Variants in VILL observed in about 807,000 individuals in gnomAD.
VILL encodes villin-like protein.
A neutral mutation model predicts 106.3 loss-of-function variants in VILL; 102 were observed. The observed-to-expected ratio is 0.96, with a 90% CI of 0.82 to 1.13. VILL has a LOEUF of 1.13. Among genes scored for constraint, VILL ranks in the 50% most tolerant of loss-of-function variants. The pLI is 0.00. For missense variants in VILL, 1,076 were observed against 1,116.6 expected, an observed-to-expected ratio of 0.96 and a Z score of 0.52; for synonymous variants, 431 against 440.3, an observed-to-expected ratio of 0.98 and a Z score of 0.27.
chr3:37,993,648 G>A lies in VILL; in HGVS notation c.-25G>A, dbSNP rs1335893571. The A allele has an allele frequency of 5.6e-6, 9 of 1,612,052 alleles. No individual in the cohort carries two copies. The highest frequency in any genetic ancestry group is 2.7e-5 in the African/African-American group (2 of 74,948). ...AACTCTGGCTGTTGTTCCTTGTGTC[G>A]TCCCATATTCCTGCCTGGCCTGCGA... On this transcript the variant is annotated 5_prime_UTR_variant, in exon 2 of 20. Transcript: ENST00000383759.
Position 38,005,802 on chromosome 3 carries a change from G to A in VILL, c.1961G>A (p.Trp654Ter). ...LLDTWQEIFLWLGEAASEWKE... is the reference protein window; with the variant it reads ...LLDTWQEIFL ...CCCTCTGTGGCTCAGATCTTCCTGT[G>A]GCTTGGGGAAGCTGCAAGTGAGTGG... is the stretch of plus-strand genomic sequence containing the variant. The change falls in exon 17 of 20, where the codon TGG becomes TAG. Residue 654 changes from tryptophan to a stop codon, truncating the protein, a stop_gained. Coordinates refer to ENST00000383759, the MANE Select transcript of VILL (RefSeq NM_015873.4). LOFTEE classifies it high-confidence loss of function. 6.2e-7 allele frequency: 1 copy of A among 1,610,784 alleles called. No individual in the cohort carries two copies. Among genetic ancestry groups the A allele is most frequent in the South Asian group, 1.1e-5 (1 of 90,600 alleles).
chr3:37,991,653 G>T (rs1306358369), intron 1 of VILL, among the ~76,000 whole-genome samples: 32 of 152,138 alleles, frequency 2.1e-4, no homozygotes, highest in Admixed American at 2.1e-3. Context: ...CCTGAGTGGA[G>T]GAAGTGCACC....
intron 5 of VILL, among the ~76,000 whole-genome samples, chr3:37,996,171 CAGAG>C (rs1157357645): frequency 6.6e-6 from 1 of 152,160 alleles, no homozygotes; most frequent in African/African-American, 2.4e-5. Flanking sequence ...GCTTGGGTGA[CAGAG>C]AAAGACCCTG....
In VILL at chr3:37,990,974, G is replaced by C. The variant is rs1456653255; in HGVS notation, c.-87+145G>C. On this transcript the variant is annotated intron_variant, in intron 1 of 19. Transcript: ENST00000383759. This position sits in a 1 kb window ranked among gnomAD's most constrained non-coding sequence, Gnocchi z 5.1. ...GCGGCAGAATTGGGAGGCGGCAGCAGCCCAGCAGGTGAAAACACTGATGGG... is the reference window on the plus strand; with the variant it reads ...GCGGCAGAATTGGGAGGCGGCAGCACCCCAGCAGGTGAAAACACTGATGGG... 2 of 152,458 alleles carry C rather than the reference G, an allele frequency of 1.3e-5. 1 individual carries two copies. The highest frequency in any genetic ancestry group is 4.8e-5 in the African/African-American group (2 of 41,448). The allele number at this position is 152,458 out of a possible 1,614,324, so 9.4% of individuals were successfully genotyped here.
chr3:38,004,036 C>A (rs905058388), intron 15 of VILL: 1 of 504,920 alleles, frequency 2.0e-6, no homozygotes, highest in Non-Finnish European at 3.4e-6. Context: ...GGGCACCTTG[C>A]GTCACAGCTG....
chr3:37,999,498 A>G, intron 11 of VILL, 59 bp downstream of exon 11: 4 of 1,341,440 alleles, frequency 3.0e-6, no homozygotes, highest in Non-Finnish European at 4.0e-6. Context: ...CTTTGCCTAC[A>G]GGTAAACGGT....
In VILL at chr3:37,998,329, C is replaced by T. The variant is rs541941578; in HGVS notation, c.907C>T (p.Leu303Phe). The change falls in exon 9 of 20, where the codon CTC becomes TTC. Residue 303 changes from leucine (L) to phenylalanine (F), a missense_variant. By Grantham distance (22) the Leu-to-Phe change is conservative (BLOSUM62 0). Transcript: ENST00000383759. The surrounding 1 kb of genome is among the most constrained non-coding windows in gnomAD (Gnocchi z 4.1). The part of the protein sequence containing the change: ...IYVWQGRMSS[L>F]QERKAAFSRA... ...TGTGTGGCAGGGACGCATGTCTAGC[C>T]TCCAGGAGAGAAAGGCTGCCTTCAG... The T allele has an allele frequency of 5.6e-6, 9 of 1,614,194 alleles. No homozygotes were observed. Among genetic ancestry groups the T allele is most frequent in the Non-Finnish European group, 7.6e-6 (9 of 1,180,016 alleles).
At chr3:37,999,855 G>A (rs76817219) in intron 11 of VILL, among the ~76,000 whole-genome samples, 18,901 of 152,158 alleles carry the variant, frequency 0.12, 1,287 homozygotes, top group South Asian at 0.19. Flanking sequence ...CCATCAATCC[G>A]CAGAGACACA....
Position 37,998,355 on chromosome 3 carries a change from C to T in VILL, c.933C>T (p.Ser311=). The T allele has an allele frequency of 1.2e-6, 2 of 1,614,100 alleles. No individual in the cohort carries two copies. Among genetic ancestry groups the T allele is most frequent in the Non-Finnish European group, 1.7e-6 (2 of 1,179,966 alleles). Residue 311 remains serine (S), a synonymous_variant, in exon 9 of 20, where the codon AGC becomes AGT. Coordinates refer to ENST00000383759, the MANE Select transcript of VILL (RefSeq NM_015873.4). This position sits in a 1 kb window ranked among gnomAD's most constrained non-coding sequence, Gnocchi z 4.1. ...SSLQERKAAF[S]RAVGFIQAKG... is the part of the protein sequence containing the mutation. ...TCCAGGAGAGAAAGGCTGCCTTCAG[C>T]CGGGCTGTGGTGAGCCCTGGGGCTC...
In VILL at chr3:38,001,714, A is replaced by T; in HGVS notation, c.1333A>T (p.Thr445Ser). The stretch of plus-strand genomic sequence containing the variant: ...CCCCCACCTGCAGGGCCACCAGGCC[A>T]CTGCGGATGAGATTGAGGCCCTGAA... The part of the protein sequence containing the change: ...ILYLWQGHQA[T>S]ADEIEALNSN... Residue 445 changes from threonine (T) to serine (S), a missense_variant, in exon 13 of 20, where the codon ACT becomes TCT. Physicochemically the swap from Thr to Ser is moderately conservative, Grantham distance 58. Coordinates refer to ENST00000383759, the MANE Select transcript of VILL (RefSeq NM_015873.4). 6.2e-7 allele frequency: 1 copy of T among 1,614,208 alleles called. No homozygotes were observed. Among genetic ancestry groups the T allele is most frequent in the African/African-American group, 1.3e-5 (1 of 75,080 alleles).
chr3:38,001,103 G>A (rs552832357), intron 11 of VILL: 29 of 504,388 alleles, frequency 5.7e-5, no homozygotes, highest in Non-Finnish European at 8.4e-5. Context: ...TTCCCTTTCC[G>A]CCCGGCTTCT....
In VILL at chr3:37,995,765, A is replaced by C; in HGVS notation, c.368A>C (p.Asp123Ala). ...IIYRKGGLAS[D>A]LKHVETNLFN... ...TACAGGAAGGGAGGCCTAGCATCTG[A>C]CCTCAAGCATGTGGAGACCAACTTG... Residue 123 changes from aspartate (D) to alanine (A), a missense_variant, in exon 5 of 20, where the codon GAC becomes GCC. Coordinates refer to ENST00000383759, the MANE Select transcript of VILL (RefSeq NM_015873.4). 6.2e-7 allele frequency: 1 copy of C among 1,613,940 alleles called. No homozygotes were observed. Among genetic ancestry groups the C allele is most frequent in the Non-Finnish European group, 8.5e-7 (1 of 1,179,858 alleles).
upstream of VILL, among the ~76,000 whole-genome samples, chr3:37,989,683 G>A (rs1348044051): frequency 6.6e-6 from 1 of 152,152 alleles, no homozygotes; most frequent in Non-Finnish European, 1.5e-5. Flanking sequence ...CAGGGAAACG[G>A]GTATGCACAG....
Position 37,993,125 on chromosome 3 carries a change from G to A in VILL, c.-86-462G>A, listed in dbSNP as rs1699633496. Among the ~76,000 whole-genome samples the A allele has an allele frequency of 2.6e-5, 4 of 152,314 alleles. No homozygotes were observed. The South Asian group carries it at 8.3e-4, about 32-fold the overall frequency. ...GACATAACAAAATCGACAGAAGTGAGGGTCCCTTCCTTCCCCCAGGTACTT... is the reference window on the plus strand; with the variant it reads ...GACATAACAAAATCGACAGAAGTGAAGGTCCCTTCCTTCCCCCAGGTACTT... On this transcript the variant is annotated intron_variant, in intron 1 of 19. Transcript: ENST00000383759.
At chr3:37,992,789 A>G (rs1699629502) in intron 1 of VILL, among the ~76,000 whole-genome samples, 1 of 152,180 alleles carries the variant, frequency 6.6e-6, no homozygotes, top group Non-Finnish European at 1.5e-5. Flanking sequence ...GCCACAGTGT[A>G]CTGTGAACTC....
rs1575333740 is a variant in VILL at position 37,994,401 on chromosome 3, G to A, written c.276G>A (p.Val92=). Residue 92 remains valine (V), a synonymous_variant, in exon 4 of 20, where the codon GTG becomes GTA. Transcript: ENST00000383759. ...AGGACGAGCTGGGGGGCCAGACCGT[G>A]CTGCACCGCGAGGCGCAGGGCCACG... ...RLQDELGGQT[V]LHREAQGHES... 1 of 1,612,694 alleles carries A rather than the reference G, an allele frequency of 6.2e-7. No individual in the cohort carries two copies. The highest frequency in any genetic ancestry group is 2.2e-5 in the East Asian group (1 of 44,858).
intron 16 of VILL, among the ~76,000 whole-genome samples, chr3:38,004,798 C>G (rs1009108439): frequency 6.6e-6 from 1 of 152,198 alleles, no homozygotes; most frequent in Non-Finnish European, 1.5e-5. Flanking sequence ...GAGTGTTTGC[C>G]TTCGTGCACC....
In VILL at chr3:37,993,930, T is replaced by C; in HGVS notation, c.93T>C (p.Ala31=). Residue 31 remains alanine (A), a synonymous_variant, in exon 3 of 20, where the codon GCT becomes GCC. Transcript: ENST00000383759. ...NRKMVPVPEG[A]YGNFFEEHCY... is the part of the protein sequence containing the mutation. The stretch of plus-strand genomic sequence containing the variant: ...AGATGGTGCCGGTACCCGAGGGGGC[T>C]TACGGGAACTTTTTTGAGGAACACT... 6.2e-7 allele frequency: 1 copy of C among 1,614,158 alleles called. No homozygotes were observed. Among genetic ancestry groups the C allele is most frequent in the Non-Finnish European group, 8.5e-7 (1 of 1,180,028 alleles).
In VILL at chr3:37,994,415, C is replaced by G. The variant is rs759030345; in HGVS notation, c.290C>G (p.Ala97Gly). 5 of 1,612,652 alleles carry G rather than the reference C, an allele frequency of 3.1e-6. No individual in the cohort carries two copies. Among genetic ancestry groups the G allele is most frequent in the Non-Finnish European group, 4.2e-6 (5 of 1,179,858 alleles). ...GGCCAGACCGTGCTGCACCGCGAGGCGCAGGGCCACGAGTCCGACTGCTTC... is the reference window on the plus strand; with the variant it reads ...GGCCAGACCGTGCTGCACCGCGAGGGGCAGGGCCACGAGTCCGACTGCTTC... The part of the protein sequence containing the change: ...LGGQTVLHRE[A>G]QGHESDCFCS... The change falls in exon 4 of 20, where the codon GCG becomes GGG. Residue 97 changes from alanine (A) to glycine (G), a missense_variant. Physicochemically the swap from Ala to Gly is moderately conservative, Grantham distance 60. Transcript: ENST00000383759.
Sources: allele counts gnomAD v4.1 joint callset (sites outside exome capture counted in the v4.1 genomes callset), GRCh38; gene constraint gnomAD v4.1.1; non-coding constraint Gnocchi (gnomAD v3.1); transcripts MANE v1.5; gene names NCBI Gene and HGNC (gene_info 2026-07-23, HGNC 2026-07-21).